The following CPPED1 variants were observed in gnomAD, a reference collection of about 807,000 sequenced individuals.
CPPED1 encodes the protein calcineurin like phosphoesterase domain containing 1, also known as serine/threonine-protein phosphatase CPPED1.
In CPPED1, 28 loss-of-function variants were observed where a neutral mutation model predicts 28.0. That is an observed-to-expected ratio of 1.00 (90% CI 0.74 to 1.37). The LOEUF (loss-of-function observed/expected upper bound fraction) is 1.37. Ranked by LOEUF, CPPED1 falls within the 40% of genes most tolerant of loss-of-function variation. The probability of loss-of-function intolerance (pLI) is 0.00; values close to 1 mark genes in which losing one functional copy is unlikely to be tolerated. For synonymous variants in CPPED1, 198 were observed against 180.2 expected (o/e 1.10, Z -0.79); for missense variants, 504 against 416.5 (o/e 1.21, Z -1.83).
intron 2 of CPPED1, among the ~76,000 whole-genome samples, chr16:12,706,512 T>C (rs1596454020): frequency 1.4e-5 from 2 of 147,372 alleles, no homozygotes; most frequent in African/African-American, 2.5e-5. Context: ...CTCCCTTCCT[T>C]CTTTCCTTCC....
At chr16:12,778,777 T>C (rs1393982488) in intron 2 of CPPED1, among the ~76,000 whole-genome samples, 1 of 152,204 alleles carries the variant, frequency 6.6e-6, no homozygotes, top group Non-Finnish European at 1.5e-5. Flanking sequence ...TTTAAAATGC[T>C]CTGTTTAATC....
chr16:12,800,332 G>A (rs2080651597), intron 1 of CPPED1, among the ~76,000 whole-genome samples: 1 of 151,984 alleles, frequency 6.6e-6, no homozygotes, highest in African/African-American at 2.4e-5. Flanking sequence ...CAGCTACTCG[G>A]GAGGCTGAAG....
intron 2 of CPPED1, among the ~76,000 whole-genome samples, chr16:12,771,846 G>C (rs2080471978): frequency 6.6e-6 from 1 of 152,188 alleles, no homozygotes; most frequent in Non-Finnish European, 1.5e-5. Context: ...GTGGGGGTCA[G>C]GCATGGTGGC....
chr16:12,764,663 G>A (rs184570482), intron 2 of CPPED1, among the ~76,000 whole-genome samples: 125 of 152,262 alleles, frequency 8.2e-4, no homozygotes, highest in African/African-American at 2.9e-3. Context: ...AATAAACCAT[G>A]AGCCTGGTGG....
At chr16:12,672,945 C>T (rs1310666851) in intron 3 of CPPED1, among the ~76,000 whole-genome samples, 4 of 151,732 alleles carry the variant, frequency 2.6e-5, no homozygotes, top group Admixed American at 6.6e-5. Context: ...ACTCGGGAGG[C>T]GGAGGTTGCA....
At chr16:12,747,837 T>C (rs573704915) in intron 2 of CPPED1, among the ~76,000 whole-genome samples, 168 of 152,338 alleles carry the variant, frequency 1.1e-3, no homozygotes, top group African/African-American at 3.8e-3. Flanking sequence ...GTTCATTGCA[T>C]GTTAAATATA....
chr16:12,738,786 C>G (rs1016955071), intron 2 of CPPED1, among the ~76,000 whole-genome samples: 3 of 151,968 alleles, frequency 2.0e-5, no homozygotes, highest in African/African-American at 7.3e-5. Context: ...TAGTTAGGCC[C>G]CAAATATAAA....
intron 2 of CPPED1, among the ~76,000 whole-genome samples, chr16:12,708,166 T>G (rs753543911): frequency 6.7e-6 from 1 of 148,994 alleles, no homozygotes; most frequent in Non-Finnish European, 1.5e-5. Flanking sequence ...ATTTATTTAT[T>G]TATTGTTGGA....
At chr16:12,780,646 T>C (rs1015914500) in intron 2 of CPPED1, among the ~76,000 whole-genome samples, 1 of 151,156 alleles carries the variant, frequency 6.6e-6, no homozygotes, top group African/African-American at 2.4e-5. Flanking sequence ...CAAGTCCTTA[T>C]AACCAAGCTG....
chr16:12,685,234 G>A (rs1489291932), intron 3 of CPPED1, among the ~76,000 whole-genome samples: 2 of 152,204 alleles, frequency 1.3e-5, no homozygotes, highest in African/African-American at 4.8e-5. Context: ...CAGATCACCT[G>A]AGGTCAGGAG....
At chr16:12,750,390 T>G (rs1212596169) in intron 2 of CPPED1, among the ~76,000 whole-genome samples, 4 of 152,138 alleles carry the variant, frequency 2.6e-5, no homozygotes, top group African/African-American at 9.7e-5. Flanking sequence ...TAGAAGCCAG[T>G]ATAGGGTTAG....
chr16:12,746,329 G>A (rs1054963563), intron 2 of CPPED1, among the ~76,000 whole-genome samples: 1 of 137,642 alleles, frequency 7.3e-6, no homozygotes, highest in Non-Finnish European at 1.5e-5. Context: ...AGCTGAGAGT[G>A]TACCACTGCA....
chr16:12,681,387 C>T (rs769036034), intron 3 of CPPED1, among the ~76,000 whole-genome samples: 2 of 152,114 alleles, frequency 1.3e-5, no homozygotes, highest in East Asian at 3.8e-4. Flanking sequence ...AGGCCCTCAC[C>T]AGATACAGCC....
At chr16:12,686,348 C>A (rs769409436) in intron 3 of CPPED1, among the ~76,000 whole-genome samples, 14 of 151,992 alleles carry the variant, frequency 9.2e-5, no homozygotes, top group Admixed American at 3.3e-4. Context: ...GGACTACAGG[C>A]ATGAGCCACC....
At chr16:12,731,849 T>C (rs2080199529) in intron 2 of CPPED1, among the ~76,000 whole-genome samples, 1 of 150,118 alleles carries the variant, frequency 6.7e-6, no homozygotes, top group South Asian at 2.1e-4. Context: ...ACAGAGGCGA[T>C]ATGGGGAGGA....
At chr16:12,701,014 G>A (rs2080017482) in intron 3 of CPPED1, among the ~76,000 whole-genome samples, 1 of 152,028 alleles carries the variant, frequency 6.6e-6, no homozygotes, top group Admixed American at 6.6e-5. Flanking sequence ...GGTCACTTGA[G>A]GCCAGGAATT....
In CPPED1 at chr16:12,704,703, G is replaced by A. The variant is rs2080039109; in HGVS notation, c.636C>T (p.Ser212=). The change falls in exon 3 of 4, where the codon AGC becomes AGT. Residue 212 remains serine, a synonymous_variant. Transcript: ENST00000381774. The part of the protein sequence containing the change: ...VFQHIPLFLE[S]IDEDDDYYFN... Reference sequence around the variant, plus strand: ...AGTAGTAGTCGTCGTCCTCGTCGATGCTCTCCAGGAACAGCGGGATGTGCT... The same window carrying A: ...AGTAGTAGTCGTCGTCCTCGTCGATACTCTCCAGGAACAGCGGGATGTGCT... 2 of 1,614,056 alleles carry A rather than the reference G, an allele frequency of 1.2e-6. No homozygotes were observed. The highest frequency in any genetic ancestry group is 2.2e-5 in the East Asian group (1 of 44,894).
chr16:12,695,369 A>G (rs375340938), intron 3 of CPPED1, among the ~76,000 whole-genome samples: 2 of 152,048 alleles, frequency 1.3e-5, no homozygotes, highest in East Asian at 1.9e-4. Context: ...GGCTCAAGCG[A>G]TCCTCCCACC....
At chr16:12,797,469 G>T (rs1174703159) in intron 1 of CPPED1, among the ~76,000 whole-genome samples, 1 of 152,062 alleles carries the variant, frequency 6.6e-6, no homozygotes, top group African/African-American at 2.4e-5. Context: ...GATCGAGCAT[G>T]GCTTGAGCCC....
Sources: gnomAD v4.1 joint callset for allele counts (sites outside exome capture counted in the v4.1 genomes callset) on GRCh38, gnomAD v4.1.1 for gene constraint, MANE v1.5 for transcripts, NCBI Gene and HGNC (gene_info 2026-07-23, HGNC 2026-07-21) for gene names.